The following ABTB3 variants were observed in gnomAD, a reference collection of about 807,000 sequenced individuals.
The protein encoded by ABTB3 is ankyrin repeat- and BTB/POZ domain-containing protein 3.
the ABTB3 span, chr12:107,581,275 C>T: frequency 1.4e-6 from 2 of 1,479,440 alleles, no homozygotes; most frequent in Non-Finnish European, 1.8e-6. Flanking sequence ...TGCTGCTGCC[C>T]GGCGTGGACT....
the ABTB3 span, among the ~76,000 whole-genome samples, chr12:107,430,822 CAA>C: frequency 6.6e-6 from 1 of 152,146 alleles, no homozygotes; most frequent in Non-Finnish European, 1.5e-5. Flanking sequence ...CTGTCATATT[CAA>C]AGATAATTGC....
the ABTB3 span, among the ~76,000 whole-genome samples, chr12:107,508,401 A>G: frequency 8.2e-6 from 1 of 121,318 alleles, no homozygotes; most frequent in East Asian, 2.3e-4. Flanking sequence ...ACCCTGGTCC[A>G]TTGCCATGAT....
the ABTB3 span, among the ~76,000 whole-genome samples, chr12:107,529,832 C>T: frequency 3.5e-4 from 54 of 152,216 alleles, no homozygotes; most frequent in African/African-American, 1.1e-3. Context: ...CTCCCCTTCC[C>T]GGAACAGGAC....
At chr12:107,650,080 G>GTCCAGGTGCCTGGCTGACA in the ABTB3 span, 1 of 75,602 alleles carries the variant, frequency 1.3e-5, no homozygotes, top group East Asian at 8.4e-4. Context: ...CCTGGCTGAT[G>GTCCAGGTGCCTGGCTGACA]AGAGATGTCA....
the ABTB3 span, among the ~76,000 whole-genome samples, chr12:107,389,866 G>GTGTGTGTGTGTT: frequency 2.7e-3 from 405 of 150,274 alleles, 3 homozygotes; most frequent in African/African-American, 9.6e-3. Context: ...GTGTGTGTGT[G>GTGTGTGTGTGTT]TGTGTGTGTG....
At chr12:107,550,584 T>TTTC in the ABTB3 span, among the ~76,000 whole-genome samples, 8 of 88,578 alleles carry the variant, frequency 9.0e-5, no homozygotes, top group African/African-American at 5.7e-4. Context: ...TCTTTCTTTC[T>TTTC]TTTTTTTTTT....
At chr12:107,367,323 A>G in the ABTB3 span, among the ~76,000 whole-genome samples, 2 of 152,150 alleles carry the variant, frequency 1.3e-5, no homozygotes, top group African/African-American at 2.4e-5. Context: ...TGGCATGAAG[A>G]GTTTAAAATG....
chr12:107,483,958 C>T, the ABTB3 span, among the ~76,000 whole-genome samples: 2 of 152,172 alleles, frequency 1.3e-5, no homozygotes, highest in Non-Finnish European at 2.9e-5. Context: ...TTACAAAATG[C>T]TGAGATTACA....
At chr12:107,506,633 T>C in the ABTB3 span, among the ~76,000 whole-genome samples, 4,433 of 152,328 alleles carry the variant, frequency 0.029, 204 homozygotes, top group African/African-American at 0.094. Flanking sequence ...GAATGGTGTA[T>C]GTACAGGTAC....
chr12:107,582,224 G>A, the ABTB3 span, among the ~76,000 whole-genome samples: 1 of 152,138 alleles, frequency 6.6e-6, no homozygotes, highest in African/African-American at 2.4e-5. Context: ...ATAATTGCTA[G>A]CATTTATTGG....
At chr12:107,595,333 C>T in the ABTB3 span, among the ~76,000 whole-genome samples, 1 of 152,036 alleles carries the variant, frequency 6.6e-6, no homozygotes. Context: ...GGAAAGCAAG[C>T]CACAGGGGAG....
chr12:107,398,185 G>A, the ABTB3 span, among the ~76,000 whole-genome samples: 170 of 152,264 alleles, frequency 1.1e-3, 2 homozygotes, highest in Non-Finnish European at 7.3e-4. Context: ...GGCTCCCACC[G>A]AGAACAGAAA....
At chr12:107,438,998 A>G in the ABTB3 span, among the ~76,000 whole-genome samples, 1 of 152,222 alleles carries the variant, frequency 6.6e-6, no homozygotes, top group Non-Finnish European at 1.5e-5. Context: ...TTCTGCAAAC[A>G]TAAGGCTTCA....
the ABTB3 span, among the ~76,000 whole-genome samples, chr12:107,535,296 A>G: frequency 1.3e-5 from 2 of 152,204 alleles, no homozygotes; most frequent in East Asian, 1.9e-4. Context: ...AGTGAAGGCC[A>G]TATATGACAC....
the ABTB3 span, among the ~76,000 whole-genome samples, chr12:107,501,214 T>C: frequency 6.6e-6 from 1 of 152,182 alleles, no homozygotes; most frequent in African/African-American, 2.4e-5. Flanking sequence ...AAGTCTTAAC[T>C]CTGGTTTTCA....
At chr12:107,510,889 G>A in the ABTB3 span, among the ~76,000 whole-genome samples, 7 of 152,010 alleles carry the variant, frequency 4.6e-5, no homozygotes, top group East Asian at 3.9e-4. Flanking sequence ...GCCACTGCAC[G>A]CCAGCCTGGA....
At chr12:107,616,688 G>A in the ABTB3 span, among the ~76,000 whole-genome samples, 34 of 152,214 alleles carry the variant, frequency 2.2e-4, no homozygotes, top group Admixed American at 1.8e-3. Flanking sequence ...GAGGCTTTGT[G>A]TAACCAGCCC....
the ABTB3 span, among the ~76,000 whole-genome samples, chr12:107,489,716 G>A: frequency 6.6e-6 from 1 of 152,200 alleles, no homozygotes; most frequent in Non-Finnish European, 1.5e-5. Context: ...GAATGGAATA[G>A]TTTGATAAAA....
chr12:107,463,066 T>C, the ABTB3 span, among the ~76,000 whole-genome samples: 7,369 of 151,468 alleles, frequency 0.049, 251 homozygotes, highest in South Asian at 0.1. Context: ...GTGATGATGA[T>C]GGTGGTAATG....
Sources: allele counts gnomAD v4.1 joint callset (sites outside exome capture counted in the v4.1 genomes callset), GRCh38; gene constraint gnomAD v4.1.1; transcripts MANE v1.5; gene names NCBI Gene and HGNC (gene_info 2026-07-23, HGNC 2026-07-21).